XNDC1N: variants seen among roughly 807,000 people sequenced by gnomAD.
The protein encoded by XNDC1N is protein XNDC1N.
the XNDC1N span, among the ~76,000 whole-genome samples, chr11:71,892,448 A>G: frequency 7.2e-5 from 11 of 152,134 alleles, 1 homozygote; most frequent in African/African-American, 2.7e-4. Context: ...TCTGTAGGAT[A>G]TTACAATTAA....
the XNDC1N span, among the ~76,000 whole-genome samples, chr11:71,889,050 C>G: frequency 6.6e-6 from 1 of 152,136 alleles, no homozygotes; most frequent in African/African-American, 2.4e-5. Context: ...CAGGGGTAAC[C>G]CTGGACACTG....
the XNDC1N span, among the ~76,000 whole-genome samples, chr11:71,882,909 T>C: frequency 6.6e-6 from 1 of 152,192 alleles, no homozygotes; most frequent in Non-Finnish European, 1.5e-5. Context: ...AGTTGCAGGA[T>C]AGAAAATCAA....
the XNDC1N span, among the ~76,000 whole-genome samples, chr11:71,879,879 A>G: frequency 6.6e-6 from 1 of 152,122 alleles, no homozygotes; most frequent in Non-Finnish European, 1.5e-5. Context: ...ATTTAGCATA[A>G]TGTTTTCAAG....
chr11:71,889,921 C>T, the XNDC1N span, among the ~76,000 whole-genome samples: 9 of 152,184 alleles, frequency 5.9e-5, no homozygotes, highest in Non-Finnish European at 1.0e-4. Flanking sequence ...TCTTCGTGAT[C>T]TGATTCCTAG....
chr11:71,889,378 C>T, the XNDC1N span, among the ~76,000 whole-genome samples: 47 of 152,234 alleles, frequency 3.1e-4, no homozygotes, highest in Non-Finnish European at 1.5e-5. Flanking sequence ...AATTCCCGCG[C>T]TGACTCAGAG....
chr11:71,873,186 C>T, the XNDC1N span, among the ~76,000 whole-genome samples: 2 of 151,674 alleles, frequency 1.3e-5, no homozygotes, highest in Admixed American at 1.3e-4. Flanking sequence ...TTATTTATTT[C>T]GATTCTTCAG....
chr11:71,883,446 A>T, the XNDC1N span, among the ~76,000 whole-genome samples: 1 of 152,220 alleles, frequency 6.6e-6, no homozygotes, highest in African/African-American at 2.4e-5. Context: ...ACACTTATAA[A>T]GTCAACTGGC....
chr11:71,882,837 T>G, the XNDC1N span, among the ~76,000 whole-genome samples: 28 of 152,246 alleles, frequency 1.8e-4, no homozygotes, highest in African/African-American at 6.5e-4. Context: ...ACATAATTTT[T>G]TTGTAAAAAA....
the XNDC1N span, among the ~76,000 whole-genome samples, chr11:71,877,737 T>G: frequency 3.3e-5 from 5 of 152,232 alleles, no homozygotes; most frequent in Non-Finnish European, 7.4e-5. Flanking sequence ...ATTTCCTTAG[T>G]GTCTAAGAAG....
chr11:71,888,465 T>C, the XNDC1N span, among the ~76,000 whole-genome samples: 1 of 152,082 alleles, frequency 6.6e-6, no homozygotes. Flanking sequence ...CTTTCATGAG[T>C]TAAAGGAAAA....
the XNDC1N span, among the ~76,000 whole-genome samples, chr11:71,873,860 T>C: frequency 9.2e-5 from 14 of 152,320 alleles, no homozygotes; most frequent in East Asian, 2.7e-3. Context: ...AATAATTTGA[T>C]TTAATTTGCA....
At chr11:71,922,920 T>C in the XNDC1N span, among the ~76,000 whole-genome samples, 2 of 152,176 alleles carry the variant, frequency 1.3e-5, no homozygotes, top group African/African-American at 4.8e-5. Flanking sequence ...GGAAGGAGGC[T>C]GAGATCACAC....
chr11:71,925,221 C>G, the XNDC1N span, among the ~76,000 whole-genome samples: 9 of 151,912 alleles, frequency 5.9e-5, no homozygotes, highest in East Asian at 1.7e-3. Flanking sequence ...CTTCTTTGTC[C>G]CTTGACAAAT....
At chr11:71,882,956 G>A in the XNDC1N span, among the ~76,000 whole-genome samples, 5 of 152,092 alleles carry the variant, frequency 3.3e-5, no homozygotes, top group Non-Finnish European at 7.3e-5. Context: ...AGCACTAACA[G>A]CAAGCAACTG....
the XNDC1N span, among the ~76,000 whole-genome samples, chr11:71,918,563 T>G: frequency 9.5e-4 from 144 of 152,346 alleles, no homozygotes; most frequent in Non-Finnish European, 1.5e-3. Flanking sequence ...ATTACAGGCA[T>G]GAGCCATTGT....
At chr11:71,895,177 C>G in the XNDC1N span, among the ~76,000 whole-genome samples, 1 of 151,904 alleles carries the variant, frequency 6.6e-6, no homozygotes, top group African/African-American at 2.4e-5. Context: ...TTAGAGGCAT[C>G]AAGCTCCAAA....
At chr11:71,882,111 G>A in the XNDC1N span, among the ~76,000 whole-genome samples, 1 of 151,184 alleles carries the variant, frequency 6.6e-6, no homozygotes, top group African/African-American at 2.4e-5. Context: ...AAGCCAGGAG[G>A]GGAAAAAATC....
At chr11:71,903,430 T>C in the XNDC1N span, 25 of 1,107,356 alleles carry the variant, frequency 2.3e-5, no homozygotes, top group East Asian at 3.5e-4. Flanking sequence ...GTCCCCAAGA[T>C]GATTGTGGAC....
the XNDC1N span, among the ~76,000 whole-genome samples, chr11:71,875,828 C>T: frequency 6.6e-6 from 1 of 152,110 alleles, no homozygotes; most frequent in African/African-American, 2.4e-5. Flanking sequence ...GAGTTCAAGA[C>T]CAGCCTGGCC....
Sources: gnomAD v4.1 joint callset for allele counts (sites outside exome capture counted in the v4.1 genomes callset) on GRCh38, gnomAD v4.1.1 for gene constraint, MANE v1.5 for transcripts, NCBI Gene and HGNC (gene_info 2026-07-23, HGNC 2026-07-21) for gene names.